The following DLGAP1 variants were observed in gnomAD, a reference collection of about 807,000 sequenced individuals.
DLGAP1 encodes DLG associated protein 1.
In DLGAP1, 11 loss-of-function variants were observed where a neutral mutation model predicts 90.8. The observed-to-expected ratio is 0.12, with a 90% CI of 0.08 to 0.20. The LOEUF (loss-of-function observed/expected upper bound fraction) is 0.20, where lower values mean the gene tolerates loss of function less well. Ranked by LOEUF, DLGAP1 falls within the 10% of genes least tolerant of loss-of-function variation. The pLI is 1.00. For missense variants in DLGAP1, 1,050 were observed against 1,333.8 expected (o/e 0.79, Z 3.31); for synonymous variants, 558 against 540.7 (o/e 1.03, Z -0.44).
chr18:4,408,913 AG>A (rs2082718258), intron 1 of DLGAP1, among the ~76,000 whole-genome samples: 1 of 151,962 alleles, frequency 6.6e-6, no homozygotes, highest in Non-Finnish European at 1.5e-5. Flanking sequence ...AACCTAGACT[AG>A]CAATTCCTTC....
At chr18:4,170,843 A>C (rs2077011320) in intron 1 of DLGAP1, among the ~76,000 whole-genome samples, 1 of 152,172 alleles carries the variant, frequency 6.6e-6, no homozygotes, top group Admixed American at 6.5e-5. Flanking sequence ...GTGTTCATTT[A>C]GATTTTACCT....
chr18:4,020,028 G>A (rs2074584438), intron 2 of DLGAP1, among the ~76,000 whole-genome samples: 1 of 152,194 alleles, frequency 6.6e-6, no homozygotes, highest in Admixed American at 6.5e-5. Flanking sequence ...ATTCTGATTG[G>A]CAACTGGTTG....
intron 2 of DLGAP1, among the ~76,000 whole-genome samples, chr18:4,066,077 T>TATTTAA (rs1270332470): frequency 1.3e-5 from 2 of 151,274 alleles, no homozygotes; most frequent in Non-Finnish European, 3.0e-5. Flanking sequence ...AAGGATACTC[T>TATTTAA]TAAATGGTGT....
intron 1 of DLGAP1, among the ~76,000 whole-genome samples, chr18:4,404,917 T>C (rs1315713083): frequency 6.6e-6 from 1 of 152,314 alleles, no homozygotes; most frequent in African/African-American, 2.4e-5. Flanking sequence ...CCTATGATCT[T>C]GAAATAAATG....
At position 3,546,692 on chromosome 18, in the gene DLGAP1, C is replaced by T. The variant is rs138211401; in HGVS notation, c.2058-12077G>A. 4.0e-3 allele frequency among the ~76,000 whole-genome samples: 598 copies of T among 151,154 alleles called. 5 individuals are homozygous for T. The highest frequency in any genetic ancestry group is 0.028 in the South Asian group (134 of 4,788). ...AAGGAAAATAGAAAGTATTTCAAAC[C>T]GAATGAAAAAGAAAAAACAATGTAT... On this transcript the variant is annotated intron_variant, in intron 9 of 12. Transcript: ENST00000315677.
chr18:3,867,495 T>C (rs1198002285), intron 4 of DLGAP1, among the ~76,000 whole-genome samples: 3 of 152,072 alleles, frequency 2.0e-5, no homozygotes, highest in Non-Finnish European at 2.9e-5. Flanking sequence ...GAGGAGGGGA[T>C]GAAATTAACC....
At chr18:3,581,182 G>C (rs959777435) in intron 8 of DLGAP1, among the ~76,000 whole-genome samples, 1 of 152,144 alleles carries the variant, frequency 6.6e-6, no homozygotes, top group African/African-American at 2.4e-5. Context: ...TCTCCTTCCT[G>C]CCTTTAGATC....
At chr18:4,039,584 T>C (rs1434027412) in intron 2 of DLGAP1, among the ~76,000 whole-genome samples, 2 of 152,186 alleles carry the variant, frequency 1.3e-5, no homozygotes, top group Admixed American at 6.5e-5. Context: ...GGAATATACA[T>C]TGTGGCCAGA....
At chr18:3,718,992 A>C (rs924467413) in intron 7 of DLGAP1, among the ~76,000 whole-genome samples, 1 of 152,146 alleles carries the variant, frequency 6.6e-6, no homozygotes, top group East Asian at 1.9e-4. Flanking sequence ...TGGGAAAAAA[A>C]TACAAGCAAA....
intron 1 of DLGAP1, among the ~76,000 whole-genome samples, chr18:4,176,540 T>C (rs1039571669): frequency 4.6e-5 from 7 of 152,208 alleles, no homozygotes; most frequent in Non-Finnish European, 1.0e-4. Flanking sequence ...CTTCTTCATT[T>C]CCACTGGTCT....
chr18:3,920,913 C>CT (rs1464902199), intron 3 of DLGAP1, among the ~76,000 whole-genome samples: 1 of 152,174 alleles, frequency 6.6e-6, no homozygotes, highest in African/African-American at 2.4e-5. Context: ...ATGCTGGTAA[C>CT]TGCTAGAAAG....
intron 12 of DLGAP1, among the ~76,000 whole-genome samples, chr18:3,501,783 G>C (rs1209161762): frequency 1.3e-5 from 2 of 152,030 alleles, no homozygotes; most frequent in Non-Finnish European, 2.9e-5. Flanking sequence ...TGGGGAGCTG[G>C]ACATTGGATA....
At chr18:4,021,164 T>C (rs1599338416) in intron 2 of DLGAP1, among the ~76,000 whole-genome samples, 1 of 152,336 alleles carries the variant, frequency 6.6e-6, no homozygotes, top group East Asian at 1.9e-4. Flanking sequence ...TAGTCTCCTG[T>C]ACAGGCGGCT....
intron 5 of DLGAP1, among the ~76,000 whole-genome samples, chr18:3,791,135 C>T (rs762709687): frequency 7.9e-5 from 12 of 152,112 alleles, no homozygotes; most frequent in South Asian, 6.2e-4. Context: ...TTCTGGGGAA[C>T]GGTGGGGGAA....
At chr18:4,040,980 T>C (rs1413276593) in intron 2 of DLGAP1, among the ~76,000 whole-genome samples, 1 of 152,128 alleles carries the variant, frequency 6.6e-6, no homozygotes, top group Non-Finnish European at 1.5e-5. Flanking sequence ...GGAGGAAATC[T>C]AGCAATGCCT....
intron 1 of DLGAP1, among the ~76,000 whole-genome samples, chr18:4,250,947 C>A (rs758578950): frequency 1.7e-4 from 26 of 151,390 alleles, no homozygotes; most frequent in Admixed American, 6.6e-5. Context: ...AAAAAACAGC[C>A]ACAAAAATAA....
intron 7 of DLGAP1, among the ~76,000 whole-genome samples, chr18:3,600,867 TATATAG>T (rs2056925867): frequency 6.2e-5 from 5 of 80,454 alleles, no homozygotes; most frequent in South Asian, 3.8e-4. Context: ...TATATATAGA[TATATAG>T]ATATATAGAT....
intron 4 of DLGAP1, among the ~76,000 whole-genome samples, chr18:3,827,263 A>G (rs1437809576): frequency 2.0e-5 from 3 of 152,102 alleles, no homozygotes; most frequent in Non-Finnish European, 2.9e-5. Flanking sequence ...GAAGAGAGAA[A>G]TGGTCCAAGA....
rs4798123 is a variant in DLGAP1, at chr18:3,746,741, G to A, written c.1173-4229C>T. Among the ~76,000 whole-genome samples the A allele has an allele frequency of 1.1e-3, 166 of 152,104 alleles. 2 individuals carry two copies. Among genetic ancestry groups the A allele is most frequent in the Admixed American group, 9.2e-4 (14 of 15,266 alleles). ...TATGACAAAATGCTCGATCTCACTA[G>A]TAATTAGAGAAATGTGGATTTTAAA... On this transcript the variant is annotated intron_variant, in intron 5 of 12. Coordinates refer to ENST00000315677, the MANE Select transcript of DLGAP1 (RefSeq NM_004746.4).
Sources: gnomAD v4.1 joint callset for allele counts (sites outside exome capture counted in the v4.1 genomes callset) on GRCh38, gnomAD v4.1.1 for gene constraint, MANE v1.5 for transcripts, NCBI Gene and HGNC (gene_info 2026-07-23, HGNC 2026-07-21) for gene names.